The following HOXA3 variants were observed in gnomAD, a reference collection of about 807,000 sequenced individuals.
HOXA3 encodes homeobox protein Hox-A3.
HOXA3 carries 8 observed loss-of-function variants against 30.3 expected under a neutral mutation model. That is an observed-to-expected ratio of 0.26 (90% CI 0.15 to 0.48). The LOEUF (loss-of-function observed/expected upper bound fraction) is 0.48, where lower values mean the gene tolerates loss of function less well. Ranked by LOEUF, HOXA3 falls within the 20% of genes least tolerant of loss-of-function variation. HOXA3 has a pLI of 0.99. For synonymous variants in HOXA3, 323 were observed against 273.1 expected (o/e 1.18, Z -1.80); for missense variants, 653 against 614.4 (o/e 1.06, Z -0.66).
intron 3 of HOXA3, chr7:27,123,111 C>T (rs926456332): frequency 6.6e-6 from 1 of 152,242 alleles, no homozygotes; most frequent in Non-Finnish European, 1.5e-5. Context: ...CACGGACTCT[C>T]CTGAAACCTC....
intron 1 of HOXA3, chr7:27,147,370 C>G (rs1225676132): frequency 6.2e-7 from 1 of 1,614,216 alleles, no homozygotes; most frequent in Admixed American, 1.7e-5. Flanking sequence ...CCGGTCGGCG[C>G]CTTCGTCATG....
chr7:27,108,275 G>C lies in HOXA3; in HGVS notation c.972C>G (p.Pro324=). The change falls in exon 6 of 6, where the codon CCC becomes CCG. Residue 324 remains proline, a synonymous_variant. Coordinates refer to ENST00000612286, the MANE Select transcript of HOXA3 (RefSeq NM_153631.3). This position sits in a 1 kb window ranked among gnomAD's most constrained non-coding sequence, Gnocchi z 5.0. ...CTGCCGCCGTGTAGCGCTTCTGTGGGGGTGGCGGGGGTGCGCAGCTGGGCA... is the reference window on the plus strand; with the variant it reads ...CTGCCGCCGTGTAGCGCTTCTGTGGCGGTGGCGGGGGTGCGCAGCTGGGCA... ...ASLPSCAPPP[P]PQKRYTAAGA... The C allele has an allele frequency of 6.6e-7, 1 of 1,517,166 alleles. No homozygotes were observed. 94.0% of individuals were successfully genotyped at this position (1,517,166 alleles called of 1,614,324 possible).
At chr7:27,141,606 A>G (rs1156546768) in intron 1 of HOXA3, 4 of 420,318 alleles carry the variant, frequency 9.5e-6, no homozygotes, top group Middle Eastern at 6.1e-4. Flanking sequence ...TAAAACATCT[A>G]TTTTTTTTCA....
chr7:27,146,070 T>C (rs1782752110), intron 1 of HOXA3, among the ~76,000 whole-genome samples: 1 of 152,214 alleles, frequency 6.6e-6, no homozygotes, highest in African/African-American at 2.4e-5. Flanking sequence ...GCATACTGAA[T>C]GGGAGATTAT....
chr7:27,131,486 A>G (rs979201390), intron 2 of HOXA3, among the ~76,000 whole-genome samples: 2 of 152,146 alleles, frequency 1.3e-5, no homozygotes, highest in African/African-American at 4.8e-5. Context: ...TTCCATTATA[A>G]CTGGATGGAC....
intron 1 of HOXA3, chr7:27,141,596 TA>T: frequency 2.4e-6 from 1 of 410,628 alleles, no homozygotes; most frequent in Non-Finnish European, 4.3e-6. Context: ...ATAAATAAGT[TA>T]AAACATCTAT....
intron 4 of HOXA3, chr7:27,121,868 T>TA (rs1194666562): frequency 6.5e-6 from 1 of 152,780 alleles, no homozygotes; most frequent in African/African-American, 2.4e-5. Flanking sequence ...GAGGACAAAT[T>TA]AAGTCAGAAC....
At chr7:27,130,130 G>A in intron 2 of HOXA3, 1 of 1,602,502 alleles carries the variant, frequency 6.2e-7, no homozygotes, top group Non-Finnish European at 8.5e-7. Flanking sequence ...GCGCTGACAT[G>A]GATCTTCTTC....
intron 4 of HOXA3, chr7:27,119,698 C>T (rs1227712166): frequency 6.6e-6 from 1 of 152,146 alleles, no homozygotes; most frequent in African/African-American, 2.4e-5. Context: ...GTGCATGATT[C>T]CTCCCCTTCA....
At chr7:27,147,714 C>G (rs1782827674) in intron 1 of HOXA3, 1 of 1,611,548 alleles carries the variant, frequency 6.2e-7, no homozygotes, top group Non-Finnish European at 8.5e-7. Flanking sequence ...TGGGAAGGCT[C>G]CCGGGGAAAG....
At chr7:27,144,704 G>A (rs1782689837) in intron 1 of HOXA3, among the ~76,000 whole-genome samples, 1 of 152,228 alleles carries the variant, frequency 6.6e-6, no homozygotes, top group African/African-American at 2.4e-5. Context: ...GGGCGATAAT[G>A]GAAGCATTCC....
In HOXA3 at chr7:27,107,491, T is replaced by G. The variant is rs1562707806; in HGVS notation, c.*424A>C. On this transcript the variant is annotated 3_prime_UTR_variant, in exon 6 of 6. Transcript: ENST00000612286. ...GCCTTTGATTTTTTTTCTCACTCTT[T>G]ACAAGAAGTGCAATTAAAAAAAAAA... 6.6e-6 allele frequency: 1 copy of G among 150,516 alleles called. No individual in the cohort carries two copies. 9.3% of individuals were successfully genotyped at this position (150,516 alleles called of 1,614,324 possible).
At chr7:27,123,677 G>C (rs945228926) in intron 3 of HOXA3, 1 of 152,392 alleles carries the variant, frequency 6.6e-6, no homozygotes, top group Admixed American at 6.5e-5. Context: ...CCAGCCCTCC[G>C]CTGTCTGTCT....
In HOXA3 at chr7:27,107,288, C is replaced by A. The variant is rs768222041; in HGVS notation, c.*627G>T. ...CAAAAGGCCCAAGAACCCTTCTGAA[C>A]CATCAGGGTACAGAATTCTTTAATA... On this transcript the variant is annotated 3_prime_UTR_variant, in exon 6 of 6. Coordinates refer to ENST00000612286, the MANE Select transcript of HOXA3 (RefSeq NM_153631.3). 3 of 152,032 alleles carry A rather than the reference C, an allele frequency of 2.0e-5. No homozygotes were observed. Among genetic ancestry groups the A allele is most frequent in the Non-Finnish European group, 4.4e-5 (3 of 68,022 alleles). The allele number at this position is 152,032 out of a possible 1,614,324, so 9.4% of individuals were successfully genotyped here. A position where few individuals can be genotyped will look rare whatever the true frequency, so the allele number is the denominator to read the frequency against.
In HOXA3 at chr7:27,107,832, TAAA is replaced by T. The variant is rs59078276; in HGVS notation, c.*80_*82del. On this transcript the variant is annotated 3_prime_UTR_variant, in exon 6 of 6. Coordinates refer to ENST00000612286, the MANE Select transcript of HOXA3 (RefSeq NM_153631.3). The stretch of plus-strand genomic sequence containing the variant: ...AAGGAAGGAAAGGGCAGGAAGAACC[TAAA>T]AAAAAAAAAAAAAAAAAGCAACCAA... 0.045 allele frequency: 23,761 copies of T among 526,228 alleles called. 3 individuals carry two copies. The highest frequency in any genetic ancestry group is 0.078 in the South Asian group (1,576 of 20,094). 32.6% of individuals were successfully genotyped at this position (526,228 alleles called of 1,614,324 possible).
chr7:27,136,223 C>T (rs1340851339), intron 2 of HOXA3, among the ~76,000 whole-genome samples: 1 of 152,166 alleles, frequency 6.6e-6, no homozygotes, highest in African/African-American at 2.4e-5. Context: ...GGGAAGGGGC[C>T]CCCCAGCATC....
intron 1 of HOXA3, chr7:27,147,245 C>T: frequency 3.5e-6 from 5 of 1,439,304 alleles, no homozygotes; most frequent in Non-Finnish European, 4.8e-6. Context: ...CTGTTTCCTC[C>T]TTCTTTCTTT....
chr7:27,143,364 C>A, intron 1 of HOXA3: 1 of 1,583,334 alleles, frequency 6.3e-7, no homozygotes. Context: ...CTGGGCTCGG[C>A]GGGCGCCGCG....
chr7:27,142,273 C>G (rs1204065975), intron 1 of HOXA3, among the ~76,000 whole-genome samples: 2 of 152,228 alleles, frequency 1.3e-5, no homozygotes, highest in East Asian at 1.9e-4. Context: ...GATTTGGACC[C>G]TGGGAACAAT....
Sources: allele counts gnomAD v4.1 joint callset (sites outside exome capture counted in the v4.1 genomes callset), GRCh38; gene constraint gnomAD v4.1.1; non-coding constraint Gnocchi (gnomAD v3.1); transcripts MANE v1.5; gene names NCBI Gene and HGNC (gene_info 2026-07-23, HGNC 2026-07-21).